MAGI2: variants seen among roughly 807,000 people sequenced by gnomAD.
MAGI2 encodes the protein membrane-associated guanylate kinase, WW and PDZ domain-containing protein 2.
In MAGI2, 35 loss-of-function variants were observed where a neutral mutation model predicts 133.3. The observed-to-expected ratio is 0.26, with a 90% confidence interval of 0.20 to 0.35. MAGI2 has a LOEUF of 0.35. Among genes scored for constraint, MAGI2 ranks in the 10% least tolerant of loss-of-function variants. MAGI2 has a pLI of 1.00. For synonymous variants in MAGI2, 729 were observed against 710.6 expected, an observed-to-expected ratio of 1.03 and a Z score of -0.41; for missense variants, 1,636 against 1,863.4, an observed-to-expected ratio of 0.88 and a Z score of 2.25.
chr7:78,543,508 C>T (rs1798578258), intron 3 of MAGI2, among the ~76,000 whole-genome samples: 1 of 152,172 alleles, frequency 6.6e-6, no homozygotes, highest in Non-Finnish European at 1.5e-5. Flanking sequence ...AGAGTAATGA[C>T]TTCATTCAGC....
intron 16 of MAGI2, 114 bp downstream of exon 16, chr7:78,159,911 A>C: frequency 7.4e-7 from 1 of 1,348,450 alleles, no homozygotes; most frequent in East Asian, 2.5e-5. Context: ...TGTGGCTTTC[A>C]GGCTATACAG....
At chr7:79,292,795 A>AAAAAT (rs1836607155) in intron 1 of MAGI2, among the ~76,000 whole-genome samples, 1 of 141,934 alleles carries the variant, frequency 7.0e-6, no homozygotes, top group African/African-American at 2.6e-5. Context: ...AAAAAAAAAA[A>AAAAAT]AAAAAGGCAG....
chr7:78,084,975 C>T (rs895634823), intron 20 of MAGI2, among the ~76,000 whole-genome samples: 9 of 152,240 alleles, frequency 5.9e-5, no homozygotes, highest in South Asian at 2.1e-4. Context: ...TTCATTAGAT[C>T]GCGATTGAAT....
chr7:79,186,521 T>C (rs1416845939), intron 1 of MAGI2, among the ~76,000 whole-genome samples: 2 of 149,032 alleles, frequency 1.3e-5, no homozygotes, highest in Non-Finnish European at 3.0e-5. Context: ...TTCACAGATA[T>C]ACACACATAC....
At chr7:79,336,511 C>T (rs994737868) in intron 1 of MAGI2, among the ~76,000 whole-genome samples, 6 of 151,796 alleles carry the variant, frequency 4.0e-5, no homozygotes, top group East Asian at 1.9e-4. Context: ...AAAAAGAAGG[C>T]GCTTATGCAG....
At chr7:78,381,447 G>A (rs2151292627) in intron 6 of MAGI2, among the ~76,000 whole-genome samples, 2 of 152,112 alleles carry the variant, frequency 1.3e-5, no homozygotes, top group Middle Eastern at 6.8e-3. Flanking sequence ...ATTCAAGCTC[G>A]ACAAATTTAA....
At chr7:78,701,961 G>A (rs1818119514) in intron 2 of MAGI2, among the ~76,000 whole-genome samples, 2 of 151,950 alleles carry the variant, frequency 1.3e-5, no homozygotes, top group African/African-American at 4.8e-5. Context: ...TATTTAGGAT[G>A]TGCCAGGATT....
intron 1 of MAGI2, among the ~76,000 whole-genome samples, chr7:79,446,632 C>T (rs1036534076): frequency 1.3e-5 from 2 of 152,158 alleles, no homozygotes; most frequent in Admixed American, 1.3e-4. Context: ...ATCACCCACT[C>T]ATTAGCCTAA....
At chr7:79,278,374 C>T (rs904115304) in intron 1 of MAGI2, among the ~76,000 whole-genome samples, 1 of 152,116 alleles carries the variant, frequency 6.6e-6, no homozygotes, top group African/African-American at 2.4e-5. Flanking sequence ...TTATAAATTA[C>T]CCAGTTTCAG....
chr7:79,164,441 A>G (rs1824723213), intron 1 of MAGI2, among the ~76,000 whole-genome samples: 2 of 152,012 alleles, frequency 1.3e-5, no homozygotes, highest in African/African-American at 4.8e-5. Context: ...CTATTCTGTT[A>G]AAGAACTAGA....
At chr7:79,136,868 G>A (rs1821627154) in intron 1 of MAGI2, among the ~76,000 whole-genome samples, 1 of 152,200 alleles carries the variant, frequency 6.6e-6, no homozygotes, top group South Asian at 2.1e-4. Flanking sequence ...CAGGGAGGAG[G>A]ACGAGAATGA....
At chr7:78,412,057 C>A (rs992564910) in intron 6 of MAGI2, among the ~76,000 whole-genome samples, 22 of 151,938 alleles carry the variant, frequency 1.4e-4, no homozygotes, top group African/African-American at 5.3e-4. Context: ...AACTTTAAGG[C>A]ATTGTAAGAG....
intron 2 of MAGI2, among the ~76,000 whole-genome samples, chr7:78,822,221 T>C (rs1231815268): frequency 3.3e-5 from 5 of 152,066 alleles, no homozygotes; most frequent in Non-Finnish European, 7.4e-5. Context: ...AAATAAATGG[T>C]CTCAGTGAAA....
At chr7:79,452,480 G>T (rs1489584060) in intron 1 of MAGI2, among the ~76,000 whole-genome samples, 1 of 152,134 alleles carries the variant, frequency 6.6e-6, no homozygotes, top group Non-Finnish European at 1.5e-5. Flanking sequence ...TTCTTCGCCA[G>T]CGGTGGCTCA....
At chr7:78,187,620 C>A (rs112624387) in intron 12 of MAGI2, among the ~76,000 whole-genome samples, 2 of 152,122 alleles carry the variant, frequency 1.3e-5, no homozygotes, top group African/African-American at 4.8e-5. Context: ...AACAATCATT[C>A]CTGCCAGGTA....
chr7:78,370,499 C>T (rs1287228835), intron 6 of MAGI2, among the ~76,000 whole-genome samples: 1 of 151,822 alleles, frequency 6.6e-6, no homozygotes, highest in East Asian at 1.9e-4. Flanking sequence ...AATCTTTTAT[C>T]ATATTTCTAT....
chr7:78,149,927 AT>A, intron 16 of MAGI2, among the ~76,000 whole-genome samples: 1 of 152,300 alleles, frequency 6.6e-6, no homozygotes, highest in African/African-American at 2.4e-5. Flanking sequence ...ACACTCCACT[AT>A]TTAGTTGATT....
intron 20 of MAGI2, among the ~76,000 whole-genome samples, chr7:78,098,291 T>A (rs942771809): frequency 5.3e-5 from 8 of 152,174 alleles, no homozygotes; most frequent in African/African-American, 1.7e-4. Context: ...CATATGTACA[T>A]ATCCATAAGG....
At chr7:79,151,897 G>C (rs1358403907) in intron 1 of MAGI2, among the ~76,000 whole-genome samples, 1 of 70,388 alleles carries the variant, frequency 1.4e-5, no homozygotes, top group Non-Finnish European at 5.4e-5. Context: ...GGTGTCTAAA[G>C]TCCAGAAATT....
Sources: allele counts gnomAD v4.1 joint callset (sites outside exome capture counted in the v4.1 genomes callset), GRCh38; gene constraint gnomAD v4.1.1; transcripts MANE v1.5; gene names NCBI Gene and HGNC (gene_info 2026-07-23, HGNC 2026-07-21).